Variants in KSR2 observed in about 807,000 individuals in gnomAD.
KSR2 encodes the protein kinase suppressor of ras 2.
In KSR2, 25 loss-of-function variants were observed where a neutral mutation model predicts 107.8. The ratio of observed to expected loss-of-function variants is 0.23; its 90% CI spans 0.17 to 0.32. The LOEUF is 0.32. Ranked by LOEUF, KSR2 falls within the 10% of genes least tolerant of loss-of-function variation. KSR2 has a pLI of 1.00. For synonymous variants in KSR2, 480 were observed against 507.0 expected, an observed-to-expected ratio of 0.95 and a Z score of 0.71; for missense variants, 887 against 1,268.9, an observed-to-expected ratio of 0.70 and a Z score of 4.57.
chr12:117,630,205 T>G (rs111226222), intron 5 of KSR2, among the ~76,000 whole-genome samples: 100 of 152,334 alleles, frequency 6.6e-4, no homozygotes, highest in African/African-American at 2.1e-3. Flanking sequence ...GCGGAAACAC[T>G]TATCTACCAA....
At chr12:117,752,001 T>A (rs1356620771) in intron 4 of KSR2, among the ~76,000 whole-genome samples, 1 of 152,260 alleles carries the variant, frequency 6.6e-6, no homozygotes, top group African/African-American at 2.4e-5. Context: ...TTTGTAGGTG[T>A]GTGCTAGTGA....
intron 10 of KSR2, chr12:117,539,405 T>C (rs897544872): frequency 1.9e-5 from 6 of 323,060 alleles, no homozygotes; most frequent in Non-Finnish European, 3.3e-5. Flanking sequence ...GCGAAGACCC[T>C]GGGTTGTAGC....
intron 11 of KSR2, 55 bp from the exon 12 acceptor site, chr12:117,531,068 C>G: frequency 7.0e-7 from 1 of 1,437,950 alleles, no homozygotes; most frequent in East Asian, 2.3e-5. Flanking sequence ...ACAACCCCCG[C>G]AAAGGCCTGA....
chr12:117,947,181 A>AG lies in KSR2; in HGVS notation c.180+20894dup, dbSNP rs200349837. On this transcript the variant is annotated intron_variant, in intron 1 of 19. Coordinates refer to ENST00000339824, the MANE Select transcript of KSR2 (RefSeq NM_173598.6). ...ACACTCTGTCAAAAGAAAGAAAGAA[A>AG]GAAAGAAAAGAAAGAAAAGAAAGAA... Among the ~76,000 whole-genome samples, 159 of 88,294 alleles carry AG rather than the reference A, an allele frequency of 1.8e-3. 7 individuals carry two copies. Among genetic ancestry groups the AG allele is most frequent in the African/African-American group, 5.6e-3 (151 of 26,792 alleles). 57.9% of individuals were successfully genotyped at this position (88,294 alleles called of 152,430 possible).
intron 4 of KSR2, among the ~76,000 whole-genome samples, chr12:117,701,822 G>A (rs901904920): frequency 6.6e-6 from 1 of 152,190 alleles, no homozygotes; most frequent in African/African-American, 2.4e-5. Context: ...GAGCAACGGA[G>A]GCTGCATGAG....
intron 1 of KSR2, among the ~76,000 whole-genome samples, chr12:117,926,862 A>G (rs1895534420): frequency 6.6e-6 from 1 of 152,126 alleles, no homozygotes; most frequent in Non-Finnish European, 1.5e-5. Context: ...GCTTCCAACA[A>G]TTCCTAGTTG....
At chr12:117,477,767 T>C (rs1453499640) in intron 16 of KSR2, among the ~76,000 whole-genome samples, 2 of 152,190 alleles carry the variant, frequency 1.3e-5, no homozygotes, top group African/African-American at 4.8e-5. Flanking sequence ...ATCCTATGTA[T>C]CAAAGTATAT....
intron 3 of KSR2, among the ~76,000 whole-genome samples, chr12:117,828,546 C>T (rs76055896): frequency 0.012 from 1,824 of 152,208 alleles, 18 homozygotes; most frequent in Non-Finnish European, 0.021. Context: ...TATAATGATC[C>T]CCATTCCCAG....
At chr12:117,735,904 A>G (rs1193784399) in intron 4 of KSR2, among the ~76,000 whole-genome samples, 1 of 152,188 alleles carries the variant, frequency 6.6e-6, no homozygotes, top group Non-Finnish European at 1.5e-5. Context: ...GGGCTTTGGG[A>G]AAGGATAGAA....
chr12:117,968,280 C>T lies in KSR2; in HGVS notation c.-25G>A. ...TCGCTTGCTCTGCAACCCCCTTCCC[C>T]TCCTCCTCCTCCCAGAGAGAAAAAA... On this transcript the variant is annotated 5_prime_UTR_variant, in exon 1 of 20. Transcript: ENST00000339824. 1 of 1,478,930 alleles carries T rather than the reference C, an allele frequency of 6.8e-7. No individual in the cohort carries two copies. Among genetic ancestry groups the T allele is most frequent in the Non-Finnish European group, 9.0e-7 (1 of 1,114,750 alleles). 91.6% of individuals were successfully genotyped at this position (1,478,930 alleles called of 1,614,324 possible). A position where few individuals can be genotyped will look rare whatever the true frequency, so the allele number is the denominator to read the frequency against.
intron 3 of KSR2, among the ~76,000 whole-genome samples, chr12:117,818,717 G>A (rs138097364): frequency 6.6e-6 from 1 of 152,286 alleles, no homozygotes; most frequent in Non-Finnish European, 1.5e-5. Context: ...GAGGAGGAAC[G>A]CCTGCTGTCA....
At chr12:117,675,751 A>G (rs1265790376) in intron 4 of KSR2, among the ~76,000 whole-genome samples, 1 of 152,184 alleles carries the variant, frequency 6.6e-6, no homozygotes, top group Admixed American at 6.5e-5. Flanking sequence ...TACCCGGCCA[A>G]ATCCCTCAGC....
Position 117,793,027 on chromosome 12 carries a change from TCAA to T in KSR2, c.473-31506_473-31504del, listed in dbSNP as rs538582654. Among the ~76,000 whole-genome samples the T allele has an allele frequency of 4.2e-5, 5 of 120,000 alleles. No homozygotes were observed. In the South Asian group the frequency reaches 1.4e-3, roughly 34 times the overall value. 78.7% of individuals were successfully genotyped at this position (120,000 alleles called of 152,430 possible). On this transcript the variant is annotated intron_variant, in intron 3 of 19. Coordinates refer to ENST00000339824, the MANE Select transcript of KSR2 (RefSeq NM_173598.6). The stretch of plus-strand genomic sequence containing the variant: ...CACACCAACAGTACGCACTCTCACA[TCAA>T]CATGCACACACGCTCACATCAACAT...
intron 1 of KSR2, among the ~76,000 whole-genome samples, chr12:117,952,221 T>G (rs1335314809): frequency 6.6e-6 from 1 of 151,044 alleles, no homozygotes; most frequent in Non-Finnish European, 1.5e-5. Context: ...ACACAGCAAC[T>G]GTGAGGTGAT....
intron 4 of KSR2, among the ~76,000 whole-genome samples, chr12:117,740,037 T>A (rs1593187642): frequency 1.3e-5 from 2 of 151,866 alleles, no homozygotes; most frequent in East Asian, 3.9e-4. Flanking sequence ...CACCCAACAG[T>A]ATACACTGAA....
At chr12:117,863,750 G>C (rs1893386783) in intron 1 of KSR2, among the ~76,000 whole-genome samples, 1 of 152,014 alleles carries the variant, frequency 6.6e-6, no homozygotes, top group South Asian at 2.1e-4. Flanking sequence ...ATGTCAACAG[G>C]GCTGGTTCCT....
chr12:117,952,155 T>TCA (rs112314585), intron 1 of KSR2, among the ~76,000 whole-genome samples: 13,724 of 147,024 alleles, frequency 0.093, 808 homozygotes, highest in East Asian at 0.32. Context: ...AATGTTCTCA[T>TCA]CACACACACA....
chr12:117,650,070 C>T (rs1883825478), intron 5 of KSR2, among the ~76,000 whole-genome samples: 1 of 152,296 alleles, frequency 6.6e-6, no homozygotes, highest in South Asian at 2.1e-4. Context: ...GAGGGATACA[C>T]ATTATTAATC....
intron 1 of KSR2, among the ~76,000 whole-genome samples, chr12:117,951,083 T>C (rs1358219135): frequency 6.6e-6 from 1 of 152,012 alleles, no homozygotes; most frequent in African/African-American, 2.4e-5. Context: ...AATTTTTTTG[T>C]ATTTTTAGTA....
Sources: gnomAD v4.1 joint callset for allele counts (sites outside exome capture counted in the v4.1 genomes callset) on GRCh38, gnomAD v4.1.1 for gene constraint, MANE v1.5 for transcripts, NCBI Gene and HGNC (gene_info 2026-07-23, HGNC 2026-07-21) for gene names.